The following SPATS2 variants were observed in gnomAD, a reference collection of about 807,000 sequenced individuals.
SPATS2 encodes spermatogenesis-associated serine-rich protein 2.
Under a neutral mutation model 63.7 loss-of-function variants are expected in SPATS2, and 38 were observed. The ratio of observed to expected loss-of-function variants is 0.60; its 90% confidence interval spans 0.46 to 0.78. The LOEUF is 0.78. SPATS2 is among the 30% of genes least tolerant of loss of function. The pLI is 0.00. For synonymous variants in SPATS2, 207 were observed against 232.9 expected, an observed-to-expected ratio of 0.89 and a Z score of 1.01; for missense variants, 588 against 666.2, an observed-to-expected ratio of 0.88 and a Z score of 1.29.
intron 11 of SPATS2, 112 bp from the exon 12 acceptor site, chr12:49,522,639 T>C (rs1946960471): frequency 2.5e-6 from 2 of 815,030 alleles, no homozygotes; most frequent in Non-Finnish European, 3.8e-6. Context: ...TTTAATAAAC[T>C]TTGAAGCAAT....
intron 2 of SPATS2, among the ~76,000 whole-genome samples, chr12:49,448,700 G>T (rs1404585707): frequency 5.8e-5 from 8 of 136,838 alleles, no homozygotes; most frequent in African/African-American, 1.4e-4. Flanking sequence ...GGGTGACAGT[G>T]AGACCCTGTC....
chr12:49,506,984 A>T (rs1946664905), intron 9 of SPATS2, among the ~76,000 whole-genome samples: 1 of 152,162 alleles, frequency 6.6e-6, no homozygotes, highest in South Asian at 2.1e-4. Context: ...GGACTAAGGA[A>T]CTTAGTCATT....
intron 3 of SPATS2, among the ~76,000 whole-genome samples, chr12:49,481,285 G>A (rs1020408568): frequency 2.0e-5 from 3 of 151,860 alleles, no homozygotes; most frequent in Non-Finnish European, 4.4e-5. Context: ...GCTTGAACCC[G>A]GGAAGCGGAG....
upstream of SPATS2, chr12:49,367,355 C>G (rs1943915851): frequency 2.6e-6 from 1 of 390,914 alleles, no homozygotes; most frequent in Non-Finnish European, 4.5e-6. Context: ...GGGTGATCTG[C>G]TGGATCTCCG....
chr12:49,490,950 CG>C, intron 6 of SPATS2: 1 of 420,968 alleles, frequency 2.4e-6, no homozygotes, highest in Non-Finnish European at 4.3e-6. Flanking sequence ...AAGACTAGCC[CG>C]GCCAACATGG....
intron 11 of SPATS2, among the ~76,000 whole-genome samples, chr12:49,520,652 A>G (rs1329571100): frequency 6.6e-6 from 1 of 152,178 alleles, no homozygotes; most frequent in East Asian, 1.9e-4. Context: ...GATTTTATAG[A>G]GAAAAATTAT....
At chr12:49,490,403 A>G (rs1946363206) in intron 5 of SPATS2, 2 of 386,654 alleles carry the variant, frequency 5.2e-6, no homozygotes, top group Non-Finnish European at 4.7e-6. Context: ...ATGTATGGAT[A>G]AGAGAATCTT....
Position 49,497,021 on chromosome 12 carries a change from G to A in SPATS2, c.703+12G>A. 1 of 1,506,704 alleles carries A rather than the reference G, an allele frequency of 6.6e-7. No individual in the cohort carries two copies. Among genetic ancestry groups the A allele is most frequent in the Non-Finnish European group, 8.8e-7 (1 of 1,130,810 alleles). The allele number at this position is 1,506,704 out of a possible 1,614,324, so 93.3% of individuals were successfully genotyped here. Reference sequence around the variant, plus strand: ...CAGTAAAAAGCTAAGTAAGTCAGAGGCCCACCTGTGAGAGAAAATGAAAAA... The same window carrying A: ...CAGTAAAAAGCTAAGTAAGTCAGAGACCCACCTGTGAGAGAAAATGAAAAA... On this transcript the variant is annotated intron_variant, in intron 8 of 13. Transcript: ENST00000552918.
chr12:49,504,541 A>G (rs1244683537), intron 9 of SPATS2, among the ~76,000 whole-genome samples: 1 of 152,200 alleles, frequency 6.6e-6, no homozygotes, highest in African/African-American at 2.4e-5. Context: ...TGCCAACAGG[A>G]TACACACTCA....
chr12:49,487,710 G>C (rs559677766), intron 4 of SPATS2, among the ~76,000 whole-genome samples: 1 of 151,826 alleles, frequency 6.6e-6, no homozygotes, highest in Non-Finnish European at 1.5e-5. Flanking sequence ...CAGTCCTCCC[G>C]CCTCACCCTC....
At chr12:49,512,994 A>G in intron 9 of SPATS2, 1 of 1,119,462 alleles carries the variant, frequency 8.9e-7, no homozygotes, top group Non-Finnish European at 1.2e-6. Context: ...TAATATGTCA[A>G]CCAAATTTGT....
chr12:49,495,062 G>T, intron 7 of SPATS2, 60 bp downstream of exon 7: 2 of 1,432,754 alleles, frequency 1.4e-6, no homozygotes, highest in Middle Eastern at 1.9e-4. Flanking sequence ...GGTTCTCCTC[G>T]TTGAGAAAGT....
chr12:49,484,531 G>C, intron 3 of SPATS2, 59 bp from the exon 4 acceptor site: 2 of 1,551,622 alleles, frequency 1.3e-6, no homozygotes, highest in Non-Finnish European at 1.8e-6. Context: ...TGGCCCTTCT[G>C]TCTTAGGGAT....
chr12:49,514,263 C>T (rs1946803028), intron 9 of SPATS2, among the ~76,000 whole-genome samples: 1 of 152,122 alleles, frequency 6.6e-6, no homozygotes, highest in Non-Finnish European at 1.5e-5. Context: ...TAGCTTGCTA[C>T]TGCCATCTGC....
chr12:49,375,641 T>C (rs1325898533), intron 2 of SPATS2, among the ~76,000 whole-genome samples: 2 of 152,216 alleles, frequency 1.3e-5, no homozygotes, highest in African/African-American at 4.8e-5. Flanking sequence ...GTAATCTACC[T>C]GCATGTCCTG....
intron 2 of SPATS2, among the ~76,000 whole-genome samples, chr12:49,377,471 G>A (rs1024252746): frequency 1.3e-5 from 2 of 152,096 alleles, no homozygotes; most frequent in Non-Finnish European, 2.9e-5. Flanking sequence ...ACATTAAGTA[G>A]GATTATATTC....
At chr12:49,424,600 T>C (rs1945040015) in intron 2 of SPATS2, among the ~76,000 whole-genome samples, 1 of 152,218 alleles carries the variant, frequency 6.6e-6, no homozygotes, top group South Asian at 2.1e-4. Context: ...TTATATCTTA[T>C]ATAGTGTTTA....
intron 3 of SPATS2, among the ~76,000 whole-genome samples, chr12:49,470,523 G>C (rs1946016589): frequency 6.6e-6 from 1 of 151,972 alleles, no homozygotes; most frequent in South Asian, 2.1e-4. Context: ...TTGTGGTTTT[G>C]GTACAAATTA....
intron 2 of SPATS2, among the ~76,000 whole-genome samples, chr12:49,438,349 A>G (rs568336158): frequency 5.3e-5 from 8 of 152,252 alleles, no homozygotes; most frequent in East Asian, 3.9e-4. Flanking sequence ...CAATTAGTCT[A>G]TTCATCTTCT....
Sources: gnomAD v4.1 joint callset for allele counts (sites outside exome capture counted in the v4.1 genomes callset) on GRCh38, gnomAD v4.1.1 for gene constraint, MANE v1.5 for transcripts, NCBI Gene and HGNC (gene_info 2026-07-23, HGNC 2026-07-21) for gene names.